The following GRIK2 variants were observed in gnomAD, a reference collection of about 807,000 sequenced individuals.
GRIK2 encodes the protein glutamate ionotropic receptor kainate type subunit 2.
In GRIK2, 32 loss-of-function variants were observed where a neutral mutation model predicts 100.3. That is an observed-to-expected ratio of 0.32 (90% CI 0.24 to 0.43). GRIK2 has a LOEUF of 0.43. GRIK2 is among the 20% of genes least tolerant of loss of function. The pLI, the probability that GRIK2 is intolerant of heterozygous loss-of-function variation, is 1.00. For synonymous variants in GRIK2, 417 were observed against 389.4 expected (o/e 1.07, Z -0.83); for missense variants, 843 against 1,114.9 (o/e 0.76, Z 3.47).
chr6:101,596,969 G>A (rs891233586), intron 2 of GRIK2, among the ~76,000 whole-genome samples: 2 of 151,802 alleles, frequency 1.3e-5, no homozygotes, highest in Non-Finnish European at 2.9e-5. Context: ...ATTCACAATA[G>A]CAAAGGCATG....
At chr6:101,880,016 A>T (rs1786136970) in intron 11 of GRIK2, among the ~76,000 whole-genome samples, 1 of 152,046 alleles carries the variant, frequency 6.6e-6, no homozygotes, top group Non-Finnish European at 1.5e-5. Context: ...TATTTTAAAT[A>T]ACCGACAAGT....
chr6:101,710,357 TCTC>T (rs1773609961), intron 7 of GRIK2, among the ~76,000 whole-genome samples: 1 of 151,852 alleles, frequency 6.6e-6, no homozygotes, highest in South Asian at 2.1e-4. Flanking sequence ...ACTTCTGTGT[TCTC>T]ATCAGTCAAA....
Position 102,037,724 on chromosome 6 carries a change from C to T in GRIK2, c.2311+2158C>T, listed in dbSNP as rs184245190. Among the ~76,000 whole-genome samples the T allele has an allele frequency of 5.0e-3, 753 of 151,274 alleles. 4 individuals are homozygous for T. Among genetic ancestry groups the T allele is most frequent in the Middle Eastern group, 0.01 (3 of 294 alleles). Reference sequence around the variant, plus strand: ...AAAATGTGTTAAATTATACCTTTATCGCCAGTAAGGCTTTGGTTTATTGCC... The same window carrying T: ...AAAATGTGTTAAATTATACCTTTATTGCCAGTAAGGCTTTGGTTTATTGCC... On this transcript the variant is annotated intron_variant, in intron 15 of 16. Coordinates refer to ENST00000369134, the MANE Select transcript of GRIK2 (RefSeq NM_021956.5).
At chr6:101,585,263 T>C (rs1049358382) in intron 2 of GRIK2, among the ~76,000 whole-genome samples, 1 of 152,074 alleles carries the variant, frequency 6.6e-6, no homozygotes, top group Non-Finnish European at 1.5e-5. Context: ...AGAACAGTTT[T>C]TTAAAATAGA....
chr6:101,791,380 T>C (rs1044445731), intron 7 of GRIK2, among the ~76,000 whole-genome samples: 9 of 152,206 alleles, frequency 5.9e-5, no homozygotes, highest in Admixed American at 1.3e-4. Flanking sequence ...CTGCTTTGAA[T>C]GTGTCCCAGC....
At chr6:101,595,109 TTAGAA>T (rs1778848986) in intron 2 of GRIK2, among the ~76,000 whole-genome samples, 1 of 150,932 alleles carries the variant, frequency 6.6e-6, no homozygotes, top group Admixed American at 6.6e-5. Context: ...TCTAAAAAGT[TTAGAA>T]TAGCCACTTT....
chr6:101,523,317 G>GA (rs752650902), intron 2 of GRIK2, among the ~76,000 whole-genome samples: 18 of 152,194 alleles, frequency 1.2e-4, no homozygotes, highest in East Asian at 3.9e-4. Context: ...TTTGCTGGAG[G>GA]AAAAATGGGA....
intron 2 of GRIK2, among the ~76,000 whole-genome samples, chr6:101,523,718 G>GTGTTTTTT (rs1562199711): frequency 7.9e-6 from 1 of 125,950 alleles, no homozygotes. Context: ...TGACTCCTAA[G>GTGTTTTTT]TCTTTTTTTT....
At chr6:101,505,787 A>C (rs1039713746) in intron 2 of GRIK2, among the ~76,000 whole-genome samples, 8 of 151,796 alleles carry the variant, frequency 5.3e-5, no homozygotes, top group South Asian at 2.1e-4. Flanking sequence ...AAAAAAAAAA[A>C]AAAAACTAGA....
chr6:101,791,605 G>GC (rs1779864189), intron 7 of GRIK2, among the ~76,000 whole-genome samples: 3 of 151,904 alleles, frequency 2.0e-5, no homozygotes, highest in African/African-American at 7.2e-5. Flanking sequence ...TTTTACATTT[G>GC]CTGAGGAGAG....
chr6:101,468,266 A>G (rs967256419), intron 2 of GRIK2, among the ~76,000 whole-genome samples: 2 of 152,154 alleles, frequency 1.3e-5, no homozygotes. Context: ...AAGAACTATA[A>G]CAGCAATGAG....
chr6:101,917,913 AC>A (rs1374991887), intron 12 of GRIK2, among the ~76,000 whole-genome samples: 1 of 151,528 alleles, frequency 6.6e-6, no homozygotes, highest in African/African-American at 2.4e-5. Context: ...GAAAAAAAAA[AC>A]TTTGTATTCC....
chr6:101,544,391 AGAATTATATTTCCCTATC>A (rs1208797690), intron 2 of GRIK2, among the ~76,000 whole-genome samples: 2 of 152,178 alleles, frequency 1.3e-5, no homozygotes, highest in Non-Finnish European at 2.9e-5. Flanking sequence ...AAACTCCATG[AGAATTATATTTCCCTATC>A]GAACTAGGCC....
chr6:101,528,582 A>G (rs1398254353), intron 2 of GRIK2, among the ~76,000 whole-genome samples: 1 of 152,122 alleles, frequency 6.6e-6, no homozygotes, highest in Non-Finnish European at 1.5e-5. Flanking sequence ...ACAAGCATCC[A>G]TAAGGATGGG....
intron 14 of GRIK2, among the ~76,000 whole-genome samples, chr6:101,935,339 T>C (rs1333352162): frequency 1.3e-5 from 2 of 151,924 alleles, no homozygotes; most frequent in African/African-American, 4.8e-5. Context: ...ATAGGGAGTC[T>C]TTTCCCTTTT....
rs146993518 is a variant in GRIK2, at chr6:101,910,482, A to T, written c.1749-14119A>T. On this transcript the variant is annotated intron_variant, in intron 12 of 16. Transcript: ENST00000369134. ...TTAAAGTGAAAGGAGATAGAAGCCA[A>T]ATAGTTAAATATGAATGTCATCAGT... 5.0e-3 allele frequency among the ~76,000 whole-genome samples: 756 copies of T among 151,424 alleles called. 4 individuals carry two copies. Among genetic ancestry groups the T allele is most frequent in the Middle Eastern group, 0.034 (10 of 294 alleles).
At chr6:101,926,204 T>TGC (rs1789885020) in intron 13 of GRIK2, among the ~76,000 whole-genome samples, 2 of 148,542 alleles carry the variant, frequency 1.3e-5, no homozygotes, top group Admixed American at 6.7e-5. Context: ...GGTTTTTTTT[T>TGC]TTTTTTTTTT....
At chr6:102,006,656 T>C (rs1420239243) in intron 14 of GRIK2, among the ~76,000 whole-genome samples, 2 of 151,748 alleles carry the variant, frequency 1.3e-5, no homozygotes, top group Non-Finnish European at 2.9e-5. Flanking sequence ...GTGTGAGTCA[T>C]TGCGCCTGGT....
intron 15 of GRIK2, among the ~76,000 whole-genome samples, chr6:102,043,537 T>C (rs1454305377): frequency 2.0e-5 from 3 of 151,962 alleles, no homozygotes; most frequent in African/African-American, 7.2e-5. Flanking sequence ...ACTTCTTTCA[T>C]TTAGCATAAT....
Sources: allele counts gnomAD v4.1 joint callset (sites outside exome capture counted in the v4.1 genomes callset), GRCh38; gene constraint gnomAD v4.1.1; transcripts MANE v1.5; gene names NCBI Gene and HGNC (gene_info 2026-07-23, HGNC 2026-07-21).